ARB2A: variants seen among roughly 807,000 people sequenced by gnomAD.
ARB2A encodes ARB2 cotranscriptional regulator A.
chr5:93,710,657 C>A, the ARB2A span, among the ~76,000 whole-genome samples: 22 of 152,158 alleles, frequency 1.4e-4, no homozygotes, highest in African/African-American at 5.3e-4. Flanking sequence ...CCACTCCCTA[C>A]AGTTCAGTTA....
chr5:93,925,215 T>C, the ARB2A span, among the ~76,000 whole-genome samples: 1 of 152,168 alleles, frequency 6.6e-6, no homozygotes, highest in Non-Finnish European at 1.5e-5. Context: ...AGAAAACATC[T>C]AATATTAAGA....
the ARB2A span, among the ~76,000 whole-genome samples, chr5:93,771,972 C>T: frequency 6.6e-6 from 1 of 152,092 alleles, no homozygotes; most frequent in African/African-American, 2.4e-5. Flanking sequence ...ACCAAAAGGA[C>T]TATAAATCAT....
chr5:93,796,988 TAG>T, the ARB2A span, among the ~76,000 whole-genome samples: 2 of 152,140 alleles, frequency 1.3e-5, no homozygotes, highest in African/African-American at 4.8e-5. Flanking sequence ...CTTTCACAGA[TAG>T]AGAACATGTA....
chr5:93,771,005 A>C, the ARB2A span, among the ~76,000 whole-genome samples: 2 of 152,188 alleles, frequency 1.3e-5, no homozygotes, highest in Admixed American at 6.5e-5. Context: ...AGTTAATCCT[A>C]AGCCAAAAAA....
the ARB2A span, among the ~76,000 whole-genome samples, chr5:93,714,729 C>A: frequency 6.6e-6 from 1 of 152,156 alleles, no homozygotes; most frequent in Non-Finnish European, 1.5e-5. Flanking sequence ...CCAATAAGGG[C>A]TATGGCTTAT....
chr5:94,024,750 G>A, the ARB2A span, among the ~76,000 whole-genome samples: 1 of 152,192 alleles, frequency 6.6e-6, no homozygotes, highest in Non-Finnish European at 1.5e-5. Flanking sequence ...ATCTAAGCTT[G>A]AAAGATGAAT....
At chr5:93,624,303 T>A in the ARB2A span, among the ~76,000 whole-genome samples, 1 of 152,164 alleles carries the variant, frequency 6.6e-6, no homozygotes, top group Non-Finnish European at 1.5e-5. Flanking sequence ...GGGAAAAACA[T>A]GGTTTTATGG....
chr5:93,734,403 T>C, the ARB2A span: 1 of 152,210 alleles, frequency 6.6e-6, no homozygotes, highest in Non-Finnish European at 1.5e-5. Context: ...AAGGTGCTTC[T>C]TAAATTCTGA....
chr5:94,102,879 A>C, the ARB2A span, among the ~76,000 whole-genome samples: 1 of 152,152 alleles, frequency 6.6e-6, no homozygotes, highest in African/African-American at 2.4e-5. Flanking sequence ...TTCTTAAAGA[A>C]AGGAAATTCT....
the ARB2A span, among the ~76,000 whole-genome samples, chr5:93,835,541 A>G: frequency 6.6e-6 from 1 of 152,348 alleles, no homozygotes; most frequent in East Asian, 1.9e-4. Flanking sequence ...TTAAATGTCC[A>G]ATTTTAAAGT....
chr5:94,069,534 T>C, the ARB2A span, among the ~76,000 whole-genome samples: 8 of 152,246 alleles, frequency 5.3e-5, no homozygotes, highest in Admixed American at 2.0e-4. Flanking sequence ...AAACTATTTA[T>C]CCAACAAAGT....
At chr5:93,786,149 T>C in the ARB2A span, among the ~76,000 whole-genome samples, 14 of 152,344 alleles carry the variant, frequency 9.2e-5, no homozygotes, top group Middle Eastern at 3.4e-3. Flanking sequence ...ACTCGGATTT[T>C]GTTGTGGTTG....
At chr5:94,009,080 GT>G in the ARB2A span, among the ~76,000 whole-genome samples, 2 of 152,096 alleles carry the variant, frequency 1.3e-5, no homozygotes, top group East Asian at 3.8e-4. Flanking sequence ...TCAGGATCAT[GT>G]ATTATGTCTC....
At chr5:93,676,625 T>A in the ARB2A span, among the ~76,000 whole-genome samples, 1 of 152,210 alleles carries the variant, frequency 6.6e-6, no homozygotes, top group East Asian at 1.9e-4. Flanking sequence ...GGGCGATTCC[T>A]CATTGTACAA....
the ARB2A span, among the ~76,000 whole-genome samples, chr5:93,799,778 T>C: frequency 6.6e-5 from 10 of 152,110 alleles, no homozygotes; most frequent in African/African-American, 2.4e-4. Context: ...AACTAGGTAG[T>C]ATCTATTATT....
At chr5:94,083,963 T>G in the ARB2A span, among the ~76,000 whole-genome samples, 1 of 152,120 alleles carries the variant, frequency 6.6e-6, no homozygotes, top group Non-Finnish European at 1.5e-5. Flanking sequence ...CACAGTTTTT[T>G]AATACATCAT....
At chr5:93,662,829 C>G in the ARB2A span, among the ~76,000 whole-genome samples, 2 of 152,296 alleles carry the variant, frequency 1.3e-5, no homozygotes, top group East Asian at 3.9e-4. Flanking sequence ...GTTGCTACAA[C>G]AAAATAGCTG....
chr5:93,958,697 C>A, the ARB2A span: 1 of 1,017,134 alleles, frequency 9.8e-7, no homozygotes, highest in Non-Finnish European at 1.4e-6. Context: ...TTAGGATATA[C>A]TTTTTGAAGA....
the ARB2A span, among the ~76,000 whole-genome samples, chr5:93,934,536 C>T: frequency 6.6e-6 from 1 of 152,100 alleles, no homozygotes; most frequent in East Asian, 1.9e-4. Context: ...TCATTGTGGG[C>T]CTAATCTCTT....
Sources: gnomAD v4.1 joint callset for allele counts (sites outside exome capture counted in the v4.1 genomes callset) on GRCh38, gnomAD v4.1.1 for gene constraint, MANE v1.5 for transcripts, NCBI Gene and HGNC (gene_info 2026-07-23, HGNC 2026-07-21) for gene names.